The following CADM2 variants were observed in gnomAD, a reference collection of about 807,000 sequenced individuals.
The protein encoded by CADM2 is immunoglobulin superfamily member 4D.
CADM2 carries 12 observed loss-of-function variants against 49.8 expected under a neutral mutation model. The ratio of observed to expected loss-of-function variants is 0.24; its 90% CI spans 0.15 to 0.39. CADM2 has a LOEUF of 0.39. CADM2 is among the 10% of genes least tolerant of loss of function. The pLI is 1.00. For missense variants in CADM2, 378 were observed against 492.3 expected (o/e 0.77, Z 2.20); for synonymous variants, 214 against 175.4 (o/e 1.22, Z -1.74).
chr3:85,250,601 G>A (rs370110189), intron 1 of CADM2, among the ~76,000 whole-genome samples: 1 of 151,434 alleles, frequency 6.6e-6, no homozygotes, highest in Non-Finnish European at 1.5e-5. Context: ...AAAAGGAACT[G>A]CCTAAAAATA....
At chr3:85,370,233 T>TAATA (rs1473727607) in intron 1 of CADM2, among the ~76,000 whole-genome samples, 1 of 144,680 alleles carries the variant, frequency 6.9e-6, no homozygotes, top group Non-Finnish European at 1.5e-5. Flanking sequence ...ATAATAATAA[T>TAATA]AATAATAATA....
intron 7 of CADM2, among the ~76,000 whole-genome samples, chr3:85,958,037 A>AATC (rs1484197672): frequency 6.6e-6 from 1 of 151,992 alleles, no homozygotes; most frequent in African/African-American, 2.4e-5. Context: ...AAATTTTTGC[A>AATC]ATCTACCCAT....
At chr3:85,086,509 CTTTTTT>C (rs61269529) in intron 1 of CADM2, among the ~76,000 whole-genome samples, 1 of 102,326 alleles carries the variant, frequency 9.8e-6, no homozygotes. Context: ...CAAGAATAAA[CTTTTTT>C]TTTTTTTTTT....
At chr3:85,778,469 G>A (rs148852145) in intron 2 of CADM2, among the ~76,000 whole-genome samples, 6 of 152,008 alleles carry the variant, frequency 3.9e-5, no homozygotes, top group Admixed American at 3.9e-4. Context: ...AGTTTCTCCC[G>A]TGATGTTCTC....
chr3:85,858,341 G>A (rs1481719720), intron 3 of CADM2, among the ~76,000 whole-genome samples: 10 of 152,134 alleles, frequency 6.6e-5, no homozygotes, highest in Non-Finnish European at 1.5e-4. Context: ...CAATTTTCTT[G>A]TTATAAAATG....
chr3:85,688,153 T>A (rs2066270927), intron 1 of CADM2, among the ~76,000 whole-genome samples: 1 of 152,186 alleles, frequency 6.6e-6, no homozygotes, highest in South Asian at 2.1e-4. Flanking sequence ...AGTTCCTTCC[T>A]CAGCTTGATT....
chr3:85,157,178 G>T (rs1336592745), intron 1 of CADM2, among the ~76,000 whole-genome samples: 4 of 151,964 alleles, frequency 2.6e-5, no homozygotes, highest in Non-Finnish European at 5.9e-5. Context: ...CACTGCTCAA[G>T]GAAATAAAAG....
At chr3:85,108,774 A>G (rs1470904334) in intron 1 of CADM2, among the ~76,000 whole-genome samples, 6 of 152,150 alleles carry the variant, frequency 3.9e-5, no homozygotes, top group Admixed American at 6.6e-5. Flanking sequence ...TACAGGAATT[A>G]TTTGAATTAG....
At chr3:85,365,385 G>C (rs1267090296) in intron 1 of CADM2, among the ~76,000 whole-genome samples, 1 of 151,884 alleles carries the variant, frequency 6.6e-6, no homozygotes, top group Admixed American at 6.6e-5. Context: ...GAAGTAAAGA[G>C]AACTATACTT....
chr3:85,574,102 T>C (rs1344931923), intron 1 of CADM2, among the ~76,000 whole-genome samples: 1 of 152,190 alleles, frequency 6.6e-6, no homozygotes, highest in Non-Finnish European at 1.5e-5. Flanking sequence ...GATCAGACTT[T>C]GTTAGGTTGA....
At chr3:85,382,358 A>C (rs988553922) in intron 1 of CADM2, among the ~76,000 whole-genome samples, 1 of 152,252 alleles carries the variant, frequency 6.6e-6, no homozygotes, top group Non-Finnish European at 1.5e-5. Context: ...GATAATAAGC[A>C]GTGGGCACGC....
chr3:85,125,782 T>C (rs1352400156), intron 1 of CADM2, among the ~76,000 whole-genome samples: 1 of 152,212 alleles, frequency 6.6e-6, no homozygotes, highest in Non-Finnish European at 1.5e-5. Context: ...ATGGCACGTG[T>C]AATCTTAGTG....
At chr3:85,758,496 G>A (rs144344819) in intron 2 of CADM2, among the ~76,000 whole-genome samples, 13 of 152,064 alleles carry the variant, frequency 8.5e-5, no homozygotes, top group African/African-American at 3.1e-4. Flanking sequence ...CCATTATCTA[G>A]GCCTAAAGAT....
chr3:85,203,632 A>G (rs2041562903), intron 1 of CADM2, among the ~76,000 whole-genome samples: 1 of 152,232 alleles, frequency 6.6e-6, no homozygotes, highest in Non-Finnish European at 1.5e-5. Context: ...GAAAAAAAGC[A>G]GTTTGTAGAC....
At chr3:85,598,650 A>T (rs1271643113) in intron 1 of CADM2, among the ~76,000 whole-genome samples, 1 of 151,948 alleles carries the variant, frequency 6.6e-6, no homozygotes, top group South Asian at 2.1e-4. Context: ...GGTCATTTAA[A>T]AAAAAATATT....
At chr3:84,995,749 T>G (rs1272166158) in intron 1 of CADM2, among the ~76,000 whole-genome samples, 1 of 152,208 alleles carries the variant, frequency 6.6e-6, no homozygotes, top group Non-Finnish European at 1.5e-5. Context: ...TAACAGTATT[T>G]GATCATTCCT....
chr3:85,511,482 G>C (rs1343148400), intron 1 of CADM2, among the ~76,000 whole-genome samples: 1 of 152,006 alleles, frequency 6.6e-6, no homozygotes, highest in East Asian at 1.9e-4. Context: ...TGATACTGTA[G>C]TAACACCAGA....
At chr3:86,007,443 G>A (rs958456781) in intron 8 of CADM2, among the ~76,000 whole-genome samples, 2 of 152,146 alleles carry the variant, frequency 1.3e-5, no homozygotes, top group Non-Finnish European at 2.9e-5. Context: ...TGCACTGATT[G>A]TCATGAAACA....
intron 8 of CADM2, among the ~76,000 whole-genome samples, chr3:85,982,428 C>T (rs903380489): frequency 7.9e-5 from 12 of 151,466 alleles, no homozygotes; most frequent in Non-Finnish European, 1.5e-4. Context: ...AGAAATCACA[C>T]AAAAATATTT....
Sources: gnomAD v4.1 joint callset for allele counts (sites outside exome capture counted in the v4.1 genomes callset) on GRCh38, gnomAD v4.1.1 for gene constraint, MANE v1.5 for transcripts, NCBI Gene and HGNC (gene_info 2026-07-23, HGNC 2026-07-21) for gene names.